The following DTNA variants were observed in gnomAD, a reference collection of about 807,000 sequenced individuals.
The protein encoded by DTNA is dystrophin-related protein 3.
DTNA carries 43 observed loss-of-function variants against 100.7 expected under a neutral mutation model. That is an observed-to-expected ratio of 0.43 (90% CI 0.33 to 0.55). DTNA has a LOEUF of 0.55. DTNA is among the 20% of genes least tolerant of loss of function. DTNA has a pLI of 0.04. For synonymous variants in DTNA, 349 were observed against 347.9 expected (o/e 1.00, Z -0.04); for missense variants, 798 against 953.9 (o/e 0.84, Z 2.15).
intron 1 of DTNA, among the ~76,000 whole-genome samples, chr18:34,599,804 A>C (rs978510535): frequency 2.0e-5 from 3 of 152,064 alleles, no homozygotes; most frequent in African/African-American, 7.2e-5. Context: ...CAGCCTCCCA[A>C]GTAGCTGGGA....
chr18:34,607,328 T>C (rs1352186208), intron 1 of DTNA, among the ~76,000 whole-genome samples: 1 of 152,162 alleles, frequency 6.6e-6, no homozygotes, highest in Non-Finnish European at 1.5e-5. Flanking sequence ...TGGATGGTGA[T>C]TTTAAAGAAG....
intron 17 of DTNA, 143 bp from the exon 18 acceptor site, chr18:34,875,096 T>A: frequency 1.6e-6 from 2 of 1,244,598 alleles, no homozygotes; most frequent in Non-Finnish European, 2.2e-6. Context: ...AAATTAGCTT[T>A]AGGATTACCA....
At chr18:34,598,205 TTTTC>T (rs1432623516) in intron 1 of DTNA, among the ~76,000 whole-genome samples, 3 of 151,362 alleles carry the variant, frequency 2.0e-5, no homozygotes, top group East Asian at 1.9e-4. Flanking sequence ...GAATTCTCTA[TTTTC>T]TTTCTTTCTT....
chr18:34,835,319 T>C (rs1568703334), intron 11 of DTNA, among the ~76,000 whole-genome samples: 1 of 152,200 alleles, frequency 6.6e-6, no homozygotes, highest in Non-Finnish European at 1.5e-5. Context: ...TTTCCAAGAA[T>C]TATTTTTTCT....
At chr18:34,721,511 A>C (rs75062391) in intron 1 of DTNA, among the ~76,000 whole-genome samples, 102 of 152,360 alleles carry the variant, frequency 6.7e-4, no homozygotes, top group South Asian at 6.2e-4. Context: ...CTAATGAAAA[A>C]AAACAAACAA....
intron 1 of DTNA, among the ~76,000 whole-genome samples, chr18:34,506,119 A>C (rs570378531): frequency 6.6e-6 from 1 of 152,332 alleles, no homozygotes; most frequent in East Asian, 1.9e-4. Context: ...TATGAAGGGT[A>C]GAAGTGCCTC....
chr18:34,538,471 A>G (rs1031886565), intron 1 of DTNA, among the ~76,000 whole-genome samples: 14 of 152,180 alleles, frequency 9.2e-5, no homozygotes, highest in Non-Finnish European at 1.6e-4. Context: ...AAATATTCAC[A>G]GTGGAGTGGA....
At position 34,768,133 on chromosome 18, in the gene DTNA, G is replaced by A. The variant is rs188076114; in HGVS notation, c.148+2092G>A. 5.3e-4 allele frequency among the ~76,000 whole-genome samples: 80 copies of A among 152,252 alleles called. No homozygotes were observed. In the East Asian group the frequency reaches 7.2e-3, roughly 14 times the overall value. On this transcript the variant is annotated intron_variant, in intron 3 of 22. Coordinates refer to ENST00000444659, the MANE Select transcript of DTNA (RefSeq NM_001386795.1). ...ATTAAAAGGGATATGATTGTCCCAC[G>A]TTCTTATCATGTGTTACCACTACAA...
chr18:34,611,359 T>G, intron 1 of DTNA, among the ~76,000 whole-genome samples: 1 of 152,198 alleles, frequency 6.6e-6, no homozygotes, highest in East Asian at 1.9e-4. Context: ...AATGAAAATT[T>G]AACAGGTAGA....
intron 1 of DTNA, among the ~76,000 whole-genome samples, chr18:34,500,004 G>GTTTTTCTT (rs2039721304): frequency 6.6e-6 from 1 of 151,958 alleles, no homozygotes; most frequent in South Asian, 2.1e-4. Flanking sequence ...CTCCCACTTT[G>GTTTTTCTT]TTTTTCTTTT....
intron 1 of DTNA, among the ~76,000 whole-genome samples, chr18:34,747,112 A>G (rs1187650047): frequency 6.7e-6 from 1 of 149,184 alleles, no homozygotes. Context: ...ATCTATATAT[A>G]TATATATATG....
intron 1 of DTNA, among the ~76,000 whole-genome samples, chr18:34,669,331 A>T (rs1161736405): frequency 1.3e-5 from 2 of 151,986 alleles, no homozygotes; most frequent in East Asian, 3.9e-4. Flanking sequence ...TCTGCACGTG[A>T]GATGGGTTTC....
intron 1 of DTNA, among the ~76,000 whole-genome samples, chr18:34,521,728 G>A (rs1157984872): frequency 1.3e-5 from 2 of 152,066 alleles, no homozygotes; most frequent in South Asian, 2.1e-4. Context: ...TTACTCTCTC[G>A]CTTCACACAG....
At chr18:34,805,059 C>G (rs960249132) in intron 4 of DTNA, among the ~76,000 whole-genome samples, 2 of 152,104 alleles carry the variant, frequency 1.3e-5, no homozygotes, top group Non-Finnish European at 1.5e-5. Context: ...CTTTCAGACA[C>G]ATTATTATTT....
chr18:34,525,405 G>T (rs1168454215), intron 1 of DTNA, among the ~76,000 whole-genome samples: 7 of 152,068 alleles, frequency 4.6e-5, no homozygotes, highest in Non-Finnish European at 1.0e-4. Context: ...CTTTCCTCCA[G>T]CTTTAATTCT....
At chr18:34,613,608 T>C (rs550771577) in intron 1 of DTNA, among the ~76,000 whole-genome samples, 1 of 152,260 alleles carries the variant, frequency 6.6e-6, no homozygotes, top group South Asian at 2.1e-4. Flanking sequence ...ATTTTACCCA[T>C]CTGGGAGGAA....
intron 1 of DTNA, among the ~76,000 whole-genome samples, chr18:34,676,239 T>C (rs2077381635): frequency 1.3e-5 from 2 of 152,186 alleles, no homozygotes; most frequent in African/African-American, 4.8e-5. Context: ...TCTGTTTTTG[T>C]GTCCTCCAAT....
chr18:34,678,599 G>A (rs1238158084), intron 1 of DTNA, among the ~76,000 whole-genome samples: 4 of 152,118 alleles, frequency 2.6e-5, no homozygotes, highest in African/African-American at 4.8e-5. Flanking sequence ...ACCTGGGATA[G>A]TAACACGCAG....
chr18:34,653,019 C>A (rs569343792), intron 1 of DTNA, among the ~76,000 whole-genome samples: 2 of 152,266 alleles, frequency 1.3e-5, no homozygotes, highest in African/African-American at 4.8e-5. Flanking sequence ...GTGATCATAT[C>A]TGAATCTAGT....
Sources: gnomAD v4.1 joint callset for allele counts (sites outside exome capture counted in the v4.1 genomes callset) on GRCh38, gnomAD v4.1.1 for gene constraint, MANE v1.5 for transcripts, NCBI Gene and HGNC (gene_info 2026-07-23, HGNC 2026-07-21) for gene names.